The following BRINP3 variants were observed in gnomAD, a reference collection of about 807,000 sequenced individuals.
BRINP3 encodes the protein BMP/retinoic acid inducible neural specific 3.
In BRINP3, 19 loss-of-function variants were observed where a neutral mutation model predicts 71.0. The ratio of observed to expected loss-of-function variants is 0.27; its 90% CI spans 0.19 to 0.39. The LOEUF (loss-of-function observed/expected upper bound fraction) is 0.39. BRINP3 is among the 10% of genes least tolerant of loss of function. The pLI is 1.00. For synonymous variants in BRINP3, 380 were observed against 337.7 expected (o/e 1.13, Z -1.37); for missense variants, 959 against 940.8 (o/e 1.02, Z -0.25).
chr1:190,163,864 G>C (rs539395334), intron 6 of BRINP3, among the ~76,000 whole-genome samples: 145 of 152,086 alleles, frequency 9.5e-4, no homozygotes, highest in African/African-American at 2.6e-3. Flanking sequence ...GAAACTAATA[G>C]CTATAAATAT....
chr1:190,358,091 C>T (rs1360513740), intron 2 of BRINP3, among the ~76,000 whole-genome samples: 2 of 152,012 alleles, frequency 1.3e-5, no homozygotes, highest in Non-Finnish European at 2.9e-5. Flanking sequence ...ATTCAGGACA[C>T]AGGCATGGGC....
rs141395798 is a variant in BRINP3 at position 190,285,081 on chromosome 1, T to C, written c.237-3331A>G. 5.8e-4 allele frequency among the ~76,000 whole-genome samples: 89 copies of C among 152,264 alleles called. 1 individual carries two copies. In the East Asian group the frequency reaches 0.016, roughly 28 times the overall value. On this transcript the variant is annotated intron_variant, in intron 2 of 7. Coordinates refer to ENST00000367462, the MANE Select transcript of BRINP3 (RefSeq NM_199051.3). Reference sequence around the variant, plus strand: ...TCCTCTCCACATTTGGTTTGTACTGTCGTGAAATATGATCACTGTTATAAT... The same window carrying C: ...TCCTCTCCACATTTGGTTTGTACTGCCGTGAAATATGATCACTGTTATAAT...
At chr1:190,278,292 T>C (rs1662767673) in intron 3 of BRINP3, among the ~76,000 whole-genome samples, 1 of 151,632 alleles carries the variant, frequency 6.6e-6, no homozygotes, top group African/African-American at 2.4e-5. Flanking sequence ...TACACCCTAG[T>C]GTTATAAGTT....
intron 7 of BRINP3, among the ~76,000 whole-genome samples, chr1:190,135,125 T>C (rs1455430743): frequency 2.0e-5 from 3 of 152,132 alleles, no homozygotes; most frequent in East Asian, 3.9e-4. Flanking sequence ...ATTCTCCTGG[T>C]TGAATCTTCA....
intron 4 of BRINP3, among the ~76,000 whole-genome samples, chr1:190,239,627 A>C (rs1256155975): frequency 3.3e-5 from 5 of 152,178 alleles, no homozygotes; most frequent in Non-Finnish European, 7.4e-5. Context: ...TCGCTGTATA[A>C]ATGTTATATG....
At chr1:190,381,145 T>A (rs893297411) in intron 2 of BRINP3, among the ~76,000 whole-genome samples, 6 of 152,292 alleles carry the variant, frequency 3.9e-5, no homozygotes, top group Non-Finnish European at 5.9e-5. Flanking sequence ...TGACTATTCA[T>A]GCACCCATTA....
chr1:190,283,718 A>C (rs6673983), intron 2 of BRINP3, among the ~76,000 whole-genome samples: 1,574 of 150,660 alleles, frequency 0.01, 23 homozygotes, highest in African/African-American at 0.035. Context: ...CAAATATTTA[A>C]GTCCTAAATT....
At chr1:190,413,750 A>G (rs1241467645) in intron 2 of BRINP3, among the ~76,000 whole-genome samples, 4 of 152,198 alleles carry the variant, frequency 2.6e-5, no homozygotes, top group Non-Finnish European at 5.9e-5. Flanking sequence ...ATTTTAAGCC[A>G]CCAAGATTTT....
rs532143575 is a variant in BRINP3, at chr1:190,255,042, T to G, written c.618+9823A>C. Among the ~76,000 whole-genome samples, 141 of 152,148 alleles carry G rather than the reference T, an allele frequency of 9.3e-4. 1 individual carries two copies. The highest frequency in any genetic ancestry group is 1.5e-3 in the Non-Finnish European group (102 of 68,004). On this transcript the variant is annotated intron_variant, in intron 4 of 7. Transcript: ENST00000367462. The stretch of plus-strand genomic sequence containing the variant: ...AATTGAGATAATCATGTGGTTTTTT[T>G]TTTCATTGGTTCTGTTTATGTGATG...
intron 2 of BRINP3, among the ~76,000 whole-genome samples, chr1:190,298,611 T>C (rs1306587625): frequency 1.3e-5 from 2 of 152,126 alleles, no homozygotes; most frequent in Non-Finnish European, 2.9e-5. Context: ...AGTGTGTGGT[T>C]TGGTTTCCAA....
intron 2 of BRINP3, among the ~76,000 whole-genome samples, chr1:190,368,190 A>C (rs1473754625): frequency 6.6e-6 from 1 of 152,164 alleles, no homozygotes; most frequent in Admixed American, 6.6e-5. Flanking sequence ...AGGCCTCAGG[A>C]AACTTACAAT....
chr1:190,458,270 C>T (rs1676143146), intron 1 of BRINP3, among the ~76,000 whole-genome samples: 2 of 151,906 alleles, frequency 1.3e-5, no homozygotes, highest in South Asian at 4.1e-4. Flanking sequence ...TGGTGATATC[C>T]TAAAATCATT....
chr1:190,274,210 G>T lies in BRINP3; in HGVS notation c.427+7350C>A, dbSNP rs115888605. Among the ~76,000 whole-genome samples the T allele has an allele frequency of 4.7e-3, 718 of 151,468 alleles. 4 individuals carry two copies. The highest frequency in any genetic ancestry group is 0.014 in the Middle Eastern group (4 of 294). Reference sequence around the variant, plus strand: ...AGAAACCAACATATAATATTGGTCAGAAGCAACAATTATTGTTATGATCAA... The same window carrying T: ...AGAAACCAACATATAATATTGGTCATAAGCAACAATTATTGTTATGATCAA... On this transcript the variant is annotated intron_variant, in intron 3 of 7. Transcript: ENST00000367462.
intron 7 of BRINP3, among the ~76,000 whole-genome samples, chr1:190,100,061 C>A (rs2102239124): frequency 6.6e-6 from 1 of 152,266 alleles, no homozygotes; most frequent in Middle Eastern, 3.4e-3. Flanking sequence ...AAAAGTTGCA[C>A]AGCCTCTATA....
chr1:190,246,503 A>C (rs1659626114), intron 4 of BRINP3, among the ~76,000 whole-genome samples: 1 of 151,732 alleles, frequency 6.6e-6, no homozygotes. Flanking sequence ...AAATGCACCA[A>C]GTTAGAAAAA....
chr1:190,171,141 T>C (rs191427045), intron 6 of BRINP3, among the ~76,000 whole-genome samples: 78 of 152,248 alleles, frequency 5.1e-4, no homozygotes, highest in Non-Finnish European at 9.1e-4. Flanking sequence ...GGAGGGATTT[T>C]TACCCTGGCC....
intron 2 of BRINP3, among the ~76,000 whole-genome samples, chr1:190,452,345 A>G (rs1475942458): frequency 1.3e-5 from 2 of 152,174 alleles, no homozygotes; most frequent in Non-Finnish European, 2.9e-5. Flanking sequence ...ATTGTTTATA[A>G]ATGGATTTAA....
At position 190,234,380 on chromosome 1, in the gene BRINP3, T is replaced by C; in HGVS notation, c.716A>G (p.Gln239Arg). 1 of 1,607,834 alleles carries C rather than the reference T, an allele frequency of 6.2e-7. No individual in the cohort carries two copies. The highest frequency in any genetic ancestry group is 8.5e-7 in the Non-Finnish European group (1 of 1,175,974). Residue 239 changes from glutamine (Q) to arginine (R), a missense_variant, in exon 5 of 8, where the codon CAG becomes CGG. By Grantham distance (43) the Gln-to-Arg change is conservative. Coordinates refer to ENST00000367462, the MANE Select transcript of BRINP3 (RefSeq NM_199051.3). ...AAATTTTACCAACATACCTTGCAACTGAATCTTATTCTCAGGACTCTGAAC... is the reference window on the plus strand; with the variant it reads ...AAATTTTACCAACATACCTTGCAACCGAATCTTATTCTCAGGACTCTGAAC... ...VLVQSPENKI[Q>R]LQGLQVLLPD...
At chr1:190,200,395 T>C (rs752197284) in intron 6 of BRINP3, among the ~76,000 whole-genome samples, 1 of 152,090 alleles carries the variant, frequency 6.6e-6, no homozygotes, top group African/African-American at 2.4e-5. Flanking sequence ...CATGAACCAA[T>C]AGATCTTAGA....
Sources: gnomAD v4.1 joint callset for allele counts (sites outside exome capture counted in the v4.1 genomes callset) on GRCh38, gnomAD v4.1.1 for gene constraint, MANE v1.5 for transcripts, NCBI Gene and HGNC (gene_info 2026-07-23, HGNC 2026-07-21) for gene names.